The following RABGAP1L variants were observed in gnomAD, a reference collection of about 807,000 sequenced individuals.
RABGAP1L encodes rab GTPase-activating protein 1-like.
A neutral mutation model predicts 137.7 loss-of-function variants in RABGAP1L; 63 were observed. The observed-to-expected ratio is 0.46, with a 90% CI of 0.37 to 0.56. The LOEUF (loss-of-function observed/expected upper bound fraction) is 0.56. Ranked by LOEUF, RABGAP1L falls within the 20% of genes least tolerant of loss-of-function variation. The pLI is 0.00. For missense variants in RABGAP1L, 1,095 were observed against 1,244.0 expected (o/e 0.88, Z 1.80); for synonymous variants, 431 against 433.7 (o/e 0.99, Z 0.08).
chr1:174,933,315 A>T (rs774604094), intron 19 of RABGAP1L, among the ~76,000 whole-genome samples: 2 of 152,074 alleles, frequency 1.3e-5, no homozygotes, highest in African/African-American at 4.8e-5. Context: ...AAAATGCTGC[A>T]TGCCAGATTG....
intron 1 of RABGAP1L, among the ~76,000 whole-genome samples, chr1:174,170,148 T>G (rs956713528): frequency 7.9e-5 from 12 of 152,232 alleles, no homozygotes; most frequent in African/African-American, 2.9e-4. Context: ...ACCTTAATTC[T>G]TGATCTAGTG....
At chr1:174,976,219 G>T in intron 22 of RABGAP1L, 37 bp downstream of exon 22, 1 of 1,460,800 alleles carries the variant, frequency 6.8e-7, no homozygotes, top group South Asian at 1.2e-5. Context: ...CTTTACAAAG[G>T]TATGTTGGTA....
intron 13 of RABGAP1L, among the ~76,000 whole-genome samples, chr1:174,505,275 C>G (rs1318325140): frequency 6.6e-6 from 1 of 152,100 alleles, no homozygotes; most frequent in Non-Finnish European, 1.5e-5. Flanking sequence ...CTGGCATTTG[C>G]TGTTAGATTG....
chr1:174,242,497 C>A (rs961123978), intron 5 of RABGAP1L, among the ~76,000 whole-genome samples: 2 of 152,156 alleles, frequency 1.3e-5, no homozygotes, highest in East Asian at 3.8e-4. Flanking sequence ...TTATTCTAGC[C>A]TCTATCATGA....
At chr1:174,195,765 TTCTC>T (rs998683857) in intron 1 of RABGAP1L, among the ~76,000 whole-genome samples, 3 of 140,926 alleles carry the variant, frequency 2.1e-5, no homozygotes, top group Admixed American at 7.2e-5. Context: ...CTTTCTCTCT[TTCTC>T]TCTTTCCTTT....
At chr1:174,826,444 A>G (rs1691574933) in intron 19 of RABGAP1L, among the ~76,000 whole-genome samples, 1 of 150,754 alleles carries the variant, frequency 6.6e-6, no homozygotes. Context: ...CTGCTCTTGA[A>G]CTCCTGACCT....
chr1:174,813,008 A>T (rs1012130892), intron 19 of RABGAP1L, among the ~76,000 whole-genome samples: 6 of 152,258 alleles, frequency 3.9e-5, no homozygotes, highest in African/African-American at 1.4e-4. Context: ...AATGCTCACA[A>T]AGAGCCAGAA....
Position 174,256,975 on chromosome 1 carries a change from AC to A in RABGAP1L, c.986+4387del, listed in dbSNP as rs1238013078. On this transcript the variant is annotated intron_variant, in intron 7 of 25. Transcript: ENST00000681986. ...TTCAGTCCTTGGCATTCTGATGTAA[AC>A]CAGAGCTTTCCCTTTTCTTCCATTT... Among the ~76,000 whole-genome samples, 2 of 152,120 alleles carry A rather than the reference AC, an allele frequency of 1.3e-5. 1 individual carries two copies. The highest frequency in any genetic ancestry group is 2.9e-5 in the Non-Finnish European group (2 of 68,028).
chr1:174,753,310 T>C (rs1684482542), intron 18 of RABGAP1L, among the ~76,000 whole-genome samples: 1 of 152,208 alleles, frequency 6.6e-6, no homozygotes, highest in African/African-American at 2.4e-5. Flanking sequence ...TTATCATTCT[T>C]CTGAATCTCT....
intron 14 of RABGAP1L, among the ~76,000 whole-genome samples, chr1:174,663,340 G>A (rs553053420): frequency 2.6e-5 from 4 of 152,204 alleles, no homozygotes; most frequent in East Asian, 3.9e-4. Context: ...ATGGTTTCTT[G>A]TAGCAGCCCA....
intron 25 of RABGAP1L, among the ~76,000 whole-genome samples, chr1:174,989,093 T>C (rs1249428296): frequency 6.6e-6 from 1 of 152,192 alleles, no homozygotes; most frequent in African/African-American, 2.4e-5. Flanking sequence ...TGCTTGTTTT[T>C]TTTACCCTGA....
intron 14 of RABGAP1L, among the ~76,000 whole-genome samples, chr1:174,646,748 A>G (rs1468862303): frequency 6.6e-6 from 1 of 152,138 alleles, no homozygotes; most frequent in Admixed American, 6.5e-5. Flanking sequence ...TTCTGTGAAG[A>G]GTGTCAGTGG....
At chr1:174,767,642 T>C (rs1262248866) in intron 18 of RABGAP1L, among the ~76,000 whole-genome samples, 4 of 152,076 alleles carry the variant, frequency 2.6e-5, no homozygotes, top group South Asian at 2.1e-4. Flanking sequence ...AACTTATCTA[T>C]ATTGATCTTA....
intron 13 of RABGAP1L, among the ~76,000 whole-genome samples, chr1:174,614,657 A>G (rs181550043): frequency 4.3e-4 from 66 of 152,318 alleles, no homozygotes; most frequent in African/African-American, 1.5e-3. Flanking sequence ...CTCCTGAATA[A>G]CATCCTGCAG....
At chr1:174,248,907 AT>A (rs915397514) in intron 5 of RABGAP1L, among the ~76,000 whole-genome samples, 2 of 152,102 alleles carry the variant, frequency 1.3e-5, no homozygotes, top group African/African-American at 2.4e-5. Flanking sequence ...CATTGAAAAT[AT>A]TTTTTTAACC....
intron 1 of RABGAP1L, among the ~76,000 whole-genome samples, chr1:174,183,684 CAAAT>C (rs1666566141): frequency 6.6e-6 from 1 of 152,092 alleles, no homozygotes; most frequent in African/African-American, 2.4e-5. Flanking sequence ...TGGGTTTTGA[CAAAT>C]GTATAGTGAC....
chr1:174,421,632 C>A (rs956130769), intron 13 of RABGAP1L, among the ~76,000 whole-genome samples: 1 of 152,112 alleles, frequency 6.6e-6, no homozygotes, highest in Non-Finnish European at 1.5e-5. Context: ...TGCCTTTATT[C>A]TTTATTCTTG....
intron 19 of RABGAP1L, among the ~76,000 whole-genome samples, chr1:174,924,762 G>A (rs551503664): frequency 1.3e-5 from 2 of 152,094 alleles, no homozygotes; most frequent in Admixed American, 1.3e-4. Flanking sequence ...GTTAACTCTC[G>A]AATTAAGAAA....
intron 13 of RABGAP1L, among the ~76,000 whole-genome samples, chr1:174,412,164 A>C (rs1218889030): frequency 6.6e-6 from 1 of 152,100 alleles, no homozygotes; most frequent in Admixed American, 6.6e-5. Flanking sequence ...GGGCGTGTAT[A>C]TATTTAAGAT....
Sources: allele counts gnomAD v4.1 joint callset (sites outside exome capture counted in the v4.1 genomes callset), GRCh38; gene constraint gnomAD v4.1.1; transcripts MANE v1.5; gene names NCBI Gene and HGNC (gene_info 2026-07-23, HGNC 2026-07-21).